Variants in PKP4 observed in about 807,000 individuals in gnomAD.
PKP4 encodes the protein plakophilin 4.
In PKP4, 90 loss-of-function variants were observed where a neutral mutation model predicts 145.1. That is an observed-to-expected ratio of 0.62 (90% CI 0.52 to 0.74). The LOEUF (loss-of-function observed/expected upper bound fraction) is 0.74, where lower values mean the gene tolerates loss of function less well. Ranked by LOEUF, PKP4 falls within the 30% of genes least tolerant of loss-of-function variation. The probability of loss-of-function intolerance (pLI) is 0.00; values close to 1 mark genes in which losing one functional copy is unlikely to be tolerated. For synonymous variants in PKP4, 563 were observed against 577.2 expected (o/e 0.98, Z 0.35); for missense variants, 1,340 against 1,482.7 (o/e 0.90, Z 1.58).
At chr2:158,574,543 T>C (rs1299411988) in intron 2 of PKP4, among the ~76,000 whole-genome samples, 2 of 152,242 alleles carry the variant, frequency 1.3e-5, no homozygotes, top group Non-Finnish European at 2.9e-5. Flanking sequence ...CAAATATTGA[T>C]ATCCCACTCA....
intron 1 of PKP4, among the ~76,000 whole-genome samples, chr2:158,494,803 T>G (rs1249735586): frequency 6.6e-6 from 1 of 152,214 alleles, no homozygotes; most frequent in Admixed American, 6.5e-5. Context: ...TCCTAATCAG[T>G]GAAGTGAGAA....
At chr2:158,556,016 AC>A (rs2046059878) in intron 2 of PKP4, among the ~76,000 whole-genome samples, 1 of 152,228 alleles carries the variant, frequency 6.6e-6, no homozygotes, top group South Asian at 2.1e-4. Context: ...GTCATAATTA[AC>A]AGTGAACGAT....
chr2:158,535,601 T>C (rs2043966776), intron 2 of PKP4, among the ~76,000 whole-genome samples: 2 of 152,102 alleles, frequency 1.3e-5, no homozygotes, highest in Non-Finnish European at 2.9e-5. Flanking sequence ...TATTTTTTTG[T>C]AGAGATGGGG....
chr2:158,605,043 C>T (rs1188612880), intron 4 of PKP4, among the ~76,000 whole-genome samples: 2 of 152,114 alleles, frequency 1.3e-5, no homozygotes, highest in African/African-American at 4.8e-5. Flanking sequence ...TGTTATTTCC[C>T]CCACTTTGTC....
At chr2:158,534,403 T>A (rs2043853899) in intron 2 of PKP4, among the ~76,000 whole-genome samples, 1 of 152,218 alleles carries the variant, frequency 6.6e-6, no homozygotes, top group African/African-American at 2.4e-5. Context: ...TCAATGAAAT[T>A]TGAAGTTTTT....
chr2:158,614,967 A>T (rs2105878685), intron 4 of PKP4, among the ~76,000 whole-genome samples: 1 of 152,046 alleles, frequency 6.6e-6, no homozygotes, highest in Non-Finnish European at 1.5e-5. Context: ...TTTCATTCTT[A>T]TGACAAAGTT....
At chr2:158,543,935 C>T (rs1574398596) in intron 2 of PKP4, among the ~76,000 whole-genome samples, 1 of 152,108 alleles carries the variant, frequency 6.6e-6, no homozygotes, top group Non-Finnish European at 1.5e-5. Flanking sequence ...ACATGTGTAC[C>T]TCATTTAATT....
chr2:158,513,549 C>A (rs1202868832), intron 1 of PKP4, among the ~76,000 whole-genome samples: 1 of 152,120 alleles, frequency 6.6e-6, no homozygotes, highest in Admixed American at 6.5e-5. Flanking sequence ...TTTTTGATGT[C>A]TTTAAAGTCT....
intron 1 of PKP4, among the ~76,000 whole-genome samples, chr2:158,476,444 T>C (rs540814657): frequency 6.6e-6 from 1 of 152,170 alleles, no homozygotes; most frequent in East Asian, 1.9e-4. Flanking sequence ...GATCATCTCG[T>C]CTCAGCCTCC....
chr2:158,459,020 T>C (rs1465984672), intron 1 of PKP4, among the ~76,000 whole-genome samples: 1 of 152,244 alleles, frequency 6.6e-6, no homozygotes, highest in Non-Finnish European at 1.5e-5. Flanking sequence ...GTATGCATTT[T>C]TGGTCAAATT....
intron 9 of PKP4, among the ~76,000 whole-genome samples, chr2:158,639,874 T>G (rs945194590): frequency 1.3e-5 from 2 of 152,190 alleles, no homozygotes; most frequent in African/African-American, 4.8e-5. Flanking sequence ...CTGCCTCAAC[T>G]TCCGTTTCTC....
At chr2:158,646,403 A>G (rs1316234462) in intron 11 of PKP4, among the ~76,000 whole-genome samples, 1 of 152,244 alleles carries the variant, frequency 6.6e-6, no homozygotes, top group Non-Finnish European at 1.5e-5. Context: ...TCAAAAAGCC[A>G]AATGGCAGCT....
rs567254682 is a variant in PKP4 at position 158,661,020 on chromosome 2, G to A, written c.2094-313G>A. ...ACAGCAACCCTGTGAGGTAGTTACT[G>A]TTATTTTCCCCCTTTTACATATGAA... On this transcript the variant is annotated intron_variant, in intron 12 of 21. Transcript: ENST00000389759. 4 of 181,650 alleles carry A rather than the reference G, an allele frequency of 2.2e-5. No homozygotes were observed. In the South Asian group the frequency reaches 5.1e-4, roughly 23 times the overall value. The allele number at this position is 181,650 out of a possible 1,614,324, so 11.3% of individuals were successfully genotyped here.
In PKP4 at chr2:158,625,014, C is replaced by G; in HGVS notation, c.740C>G (p.Ser247Cys). The change falls in exon 7 of 22, where the codon TCT becomes TGT. Residue 247 changes from serine (S) to cysteine (C), a missense_variant. By Grantham distance (112) the Ser-to-Cys change is moderately radical. Transcript: ENST00000389759. ...LRTSLGSGFGSPSVTDPRPLN... is the reference protein window; with the variant it reads ...LRTSLGSGFGCPSVTDPRPLN... Reference sequence around the variant, plus strand: ...ACTTCTCTGGGTAGTGGATTTGGCTCTCCGTCAGTGACCGACCCCCGACCT... The same window carrying G: ...ACTTCTCTGGGTAGTGGATTTGGCTGTCCGTCAGTGACCGACCCCCGACCT... The G allele has an allele frequency of 6.2e-7, 1 of 1,614,110 alleles. No individual in the cohort carries two copies. Among genetic ancestry groups the G allele is most frequent in the Non-Finnish European group, 8.5e-7 (1 of 1,180,016 alleles).
At chr2:158,468,747 A>G (rs1365771840) in intron 1 of PKP4, among the ~76,000 whole-genome samples, 1 of 149,200 alleles carries the variant, frequency 6.7e-6, no homozygotes, top group Non-Finnish European at 1.5e-5. Context: ...AAAAGAAATT[A>G]GACATTTTCT....
intron 3 of PKP4, among the ~76,000 whole-genome samples, chr2:158,591,106 G>A (rs72938755): frequency 0.2 from 30,313 of 151,984 alleles, 3,891 homozygotes; most frequent in Middle Eastern, 0.36. Flanking sequence ...AAATTCTACA[G>A]AGCAAATGAA....
rs1412188463 is a variant in PKP4 at position 158,663,359 on chromosome 2, C to A, written c.2491C>A (p.Leu831Met). Residue 831 changes from leucine to methionine, a missense_variant, in exon 15 of 22, where the codon CTG becomes ATG. Transcript: ENST00000389759. ...GCACCCATCGGTGGTAAAACCATAT[C>A]TGACTCTTCTAGCAGAAAGTTCCAA... ...LWHPSVVKPYLTLLAESSNPA... is the reference protein window; with the variant it reads ...LWHPSVVKPYMTLLAESSNPA... The A allele has an allele frequency of 1.2e-6, 2 of 1,614,078 alleles. No individual in the cohort carries two copies. The highest frequency in any genetic ancestry group is 1.7e-6 in the Non-Finnish European group (2 of 1,179,950).
chr2:158,539,957 G>A (rs1319005457), intron 2 of PKP4, among the ~76,000 whole-genome samples: 1 of 152,124 alleles, frequency 6.6e-6, no homozygotes, highest in East Asian at 1.9e-4. Context: ...TGTGATTAAA[G>A]AATACTACAG....
At chr2:158,645,802 C>T (rs1204696787) in intron 11 of PKP4, among the ~76,000 whole-genome samples, 1 of 152,150 alleles carries the variant, frequency 6.6e-6, no homozygotes, top group African/African-American at 2.4e-5. Flanking sequence ...GAGCTGAGCT[C>T]AAGGAATTTG....
Sources: allele counts gnomAD v4.1 joint callset (sites outside exome capture counted in the v4.1 genomes callset), GRCh38; gene constraint gnomAD v4.1.1; transcripts MANE v1.5; gene names NCBI Gene and HGNC (gene_info 2026-07-23, HGNC 2026-07-21).